GPR158: variants seen among roughly 807,000 people sequenced by gnomAD.
GPR158 encodes the protein G protein-coupled receptor 158.
A neutral mutation model predicts 78.2 loss-of-function variants in GPR158; 30 were observed. The ratio of observed to expected loss-of-function variants is 0.38; its 90% confidence interval spans 0.29 to 0.52. GPR158 has a LOEUF of 0.52. Ranked by LOEUF, GPR158 falls within the 20% of genes least tolerant of loss-of-function variation. The probability of loss-of-function intolerance (pLI) is 0.83; values close to 1 mark genes in which losing one functional copy is unlikely to be tolerated. For synonymous variants in GPR158, 581 were observed against 591.1 expected (o/e 0.98, Z 0.25); for missense variants, 1,463 against 1,523.5 (o/e 0.96, Z 0.66).
intron 1 of GPR158, among the ~76,000 whole-genome samples, chr10:25,195,215 T>C (rs941131715): frequency 6.7e-6 from 1 of 148,956 alleles, no homozygotes; most frequent in African/African-American, 2.5e-5. Flanking sequence ...CTTTCTTTCT[T>C]TTTTTTTTGA....
intron 1 of GPR158, among the ~76,000 whole-genome samples, chr10:25,197,290 C>A (rs1852856416): frequency 1.3e-5 from 2 of 152,090 alleles, no homozygotes; most frequent in South Asian, 4.1e-4. Context: ...AAATTTCTTA[C>A]TATTATTTAG....
rs1010698335 is a variant in GPR158, at chr10:25,599,788, A to G, written c.*514A>G. On this transcript the variant is annotated 3_prime_UTR_variant, in exon 11 of 11. Transcript: ENST00000376351. ...ATTGCTCTCATTTTCTTATAAATGTATGTTTCAGTATATCGTTGTGTCTCA... is the reference window on the plus strand; with the variant it reads ...ATTGCTCTCATTTTCTTATAAATGTGTGTTTCAGTATATCGTTGTGTCTCA... The G allele has an allele frequency of 3.2e-5, 5 of 154,538 alleles. No homozygotes were observed. The highest frequency in any genetic ancestry group is 1.2e-4 in the African/African-American group (5 of 41,472). The allele number at this position is 154,538 out of a possible 1,614,324, so 9.6% of individuals were successfully genotyped here. A position where few individuals can be genotyped will look rare whatever the true frequency, so the allele number is the denominator to read the frequency against.
chr10:25,489,736 T>G (rs1835779887), intron 5 of GPR158, among the ~76,000 whole-genome samples: 1 of 152,102 alleles, frequency 6.6e-6, no homozygotes, highest in Non-Finnish European at 1.5e-5. Context: ...CTGTATGGGA[T>G]ATTGATATAT....
chr10:25,385,409 A>G (rs1378997354), intron 2 of GPR158, among the ~76,000 whole-genome samples: 1 of 152,130 alleles, frequency 6.6e-6, no homozygotes, highest in African/African-American at 2.4e-5. Context: ...GGCTATTTTA[A>G]ATAGTGCCAC....
At chr10:25,557,307 T>G (rs760924460) in intron 6 of GPR158, among the ~76,000 whole-genome samples, 2 of 152,208 alleles carry the variant, frequency 1.3e-5, no homozygotes, top group African/African-American at 4.8e-5. Context: ...GGCTGTGACC[T>G]CTCACTTCCT....
At position 25,289,745 on chromosome 10, in the gene GPR158, A is replaced by G. The variant is rs571425798; in HGVS notation, c.1008+68588A>G. 2.6e-5 allele frequency among the ~76,000 whole-genome samples: 4 copies of G among 152,294 alleles called. 1 individual carries two copies. The Middle Eastern group carries it at 0.01, about 389-fold the overall frequency. ...GAACATTTAAATGTTTTCTAATTGC[A>G]CATCAAAAACTGGTTGAAGTCCACA... On this transcript the variant is annotated intron_variant, in intron 2 of 10. Coordinates refer to ENST00000376351, the MANE Select transcript of GPR158 (RefSeq NM_020752.3).
rs1307821141 is a variant in GPR158, at chr10:25,314,529, A to AT, written c.1009-81376dup. Among the ~76,000 whole-genome samples the AT allele has an allele frequency of 2.0e-5, 3 of 151,574 alleles. No homozygotes were observed. In the East Asian group the frequency reaches 5.8e-4, roughly 29 times the overall value. On this transcript the variant is annotated intron_variant, in intron 2 of 10. Coordinates refer to ENST00000376351, the MANE Select transcript of GPR158 (RefSeq NM_020752.3). ...CTCTTAAAAAACAAGTATATTTTTTATTTTTTCAAGAAATGAGGAGTTTGA... is the reference window on the plus strand; with the variant it reads ...CTCTTAAAAAACAAGTATATTTTTTATTTTTTTCAAGAAATGAGGAGTTTGA...
chr10:25,363,337 T>C (rs961126674), intron 2 of GPR158, among the ~76,000 whole-genome samples: 3 of 151,926 alleles, frequency 2.0e-5, no homozygotes, highest in African/African-American at 7.2e-5. Flanking sequence ...ATGATGATAA[T>C]GATGAATGTT....
intron 3 of GPR158, among the ~76,000 whole-genome samples, 187 bp downstream of exon 3, chr10:25,396,200 A>T (rs824590): frequency 0.53 from 80,843 of 151,990 alleles, 25,337 homozygotes; most frequent in Non-Finnish European, 0.73. Context: ...ACTAAAATAT[A>T]CCTAAAATAT....
chr10:25,525,220 A>G (rs1029434002), intron 5 of GPR158, among the ~76,000 whole-genome samples: 14 of 152,160 alleles, frequency 9.2e-5, no homozygotes, highest in African/African-American at 3.4e-4. Flanking sequence ...AACAGTTGAA[A>G]ATTTTCTCAA....
intron 2 of GPR158, among the ~76,000 whole-genome samples, chr10:25,307,021 A>C (rs1314911219): frequency 1.3e-5 from 2 of 148,722 alleles, no homozygotes; most frequent in African/African-American, 5.0e-5. Context: ...ACATACAGAG[A>C]GAGAGAGAGA....
intron 2 of GPR158, among the ~76,000 whole-genome samples, chr10:25,335,489 A>C (rs1320829852): frequency 6.6e-6 from 1 of 152,070 alleles, no homozygotes; most frequent in South Asian, 2.1e-4. Context: ...CCATGGCTTT[A>C]GTGTATGAAA....
At chr10:25,373,576 T>A (rs1279235494) in intron 2 of GPR158, among the ~76,000 whole-genome samples, 2 of 151,948 alleles carry the variant, frequency 1.3e-5, no homozygotes, top group Non-Finnish European at 2.9e-5. Context: ...AAATTTCTTA[T>A]AAGCACAGAT....
chr10:25,202,541 G>A (rs112259920), intron 1 of GPR158, among the ~76,000 whole-genome samples: 38 of 152,242 alleles, frequency 2.5e-4, no homozygotes, highest in African/African-American at 7.5e-4. Flanking sequence ...TGCTCAGAAC[G>A]ATGGTTTCCA....
Position 25,328,927 on chromosome 10 carries a change from CAAAA to C in GPR158, c.1009-66966_1009-66963del, listed in dbSNP as rs3054026. 6.8e-3 allele frequency among the ~76,000 whole-genome samples: 605 copies of C among 89,064 alleles called. 2 individuals are homozygous for C. The highest frequency in any genetic ancestry group is 0.021 in the Middle Eastern group (3 of 142). 58.4% of individuals were successfully genotyped at this position (89,064 alleles called of 152,430 possible). A position where few individuals can be genotyped will look rare whatever the true frequency, so the allele number is the denominator to read the frequency against. ...GGGCAACAAGAGCGAAACTTCATCA[CAAAA>C]AAAAAAAAAAAAAAAAAGAATTACT... On this transcript the variant is annotated intron_variant, in intron 2 of 10. Transcript: ENST00000376351.
chr10:25,572,552 T>G, intron 6 of GPR158, 97 bp from the exon 7 acceptor site: 1 of 813,638 alleles, frequency 1.2e-6, no homozygotes, highest in Non-Finnish European at 2.1e-6. Flanking sequence ...AGCTGGATTT[T>G]GGTGGGTTTA....
In GPR158 at chr10:25,598,248, G is replaced by A. The variant is rs567691480; in HGVS notation, c.2622G>A (p.Pro874=). The A allele has an allele frequency of 3.1e-5, 50 of 1,614,068 alleles. No individual in the cohort carries two copies. The highest frequency in any genetic ancestry group is 9.9e-5 in the South Asian group (9 of 91,072). ...DSEAESTESV[P]LVCKSASAHN... Reference sequence around the variant, plus strand: ...AGGCTGAGTCCACGGAGTCGGTGCCGTTGGTGTGCAAGTCAGCAAGCGCTC... The same window carrying A: ...AGGCTGAGTCCACGGAGTCGGTGCCATTGGTGTGCAAGTCAGCAAGCGCTC... Residue 874 remains proline (P), a synonymous_variant, in exon 11 of 11, where the codon CCG becomes CCA. Transcript: ENST00000376351.
chr10:25,494,250 C>T (rs1468125665), intron 5 of GPR158, among the ~76,000 whole-genome samples: 2 of 152,128 alleles, frequency 1.3e-5, no homozygotes, highest in East Asian at 3.9e-4. Context: ...TTTTGGATAG[C>T]ATAAATCAAT....
intron 1 of GPR158, among the ~76,000 whole-genome samples, chr10:25,195,551 A>G (rs1050775867): frequency 1.3e-5 from 2 of 152,196 alleles, no homozygotes; most frequent in Admixed American, 6.5e-5. Flanking sequence ...AAGAAAATTC[A>G]TATTTTTATT....
Sources: allele counts gnomAD v4.1 joint callset (sites outside exome capture counted in the v4.1 genomes callset), GRCh38; gene constraint gnomAD v4.1.1; transcripts MANE v1.5; gene names NCBI Gene and HGNC (gene_info 2026-07-23, HGNC 2026-07-21).